The following INPP4A variants were observed in gnomAD, a reference collection of about 807,000 sequenced individuals.
INPP4A encodes inositol polyphosphate-4-phosphatase type I A.
A neutral mutation model predicts 119.8 loss-of-function variants in INPP4A; 33 were observed. The observed-to-expected ratio is 0.28, with a 90% CI of 0.21 to 0.37. The LOEUF is 0.37. Ranked by LOEUF, INPP4A falls within the 10% of genes least tolerant of loss-of-function variation. The probability of loss-of-function intolerance (pLI) is 1.00; values close to 1 mark genes in which losing one functional copy is unlikely to be tolerated. For missense variants in INPP4A, 956 were observed against 1,289.9 expected (o/e 0.74, Z 3.97); for synonymous variants, 496 against 500.7 (o/e 0.99, Z 0.12).
intron 1 of INPP4A, among the ~76,000 whole-genome samples, chr2:98,500,959 A>G (rs1383484606): frequency 6.6e-6 from 1 of 152,248 alleles, no homozygotes; most frequent in African/African-American, 2.4e-5. Flanking sequence ...TTTGTTTTAT[A>G]TATACTTAAA....
At chr2:98,523,789 A>G (rs925473317) in intron 4 of INPP4A, among the ~76,000 whole-genome samples, 2 of 152,240 alleles carry the variant, frequency 1.3e-5, no homozygotes, top group Middle Eastern at 3.2e-3. Flanking sequence ...TTAAAAAAGT[A>G]TGTTCATTGT....
chr2:98,580,124 G>A (rs879260108), intron 24 of INPP4A, among the ~76,000 whole-genome samples: 5 of 152,248 alleles, frequency 3.3e-5, no homozygotes, highest in Non-Finnish European at 7.3e-5. Context: ...CCGAGTACCT[G>A]CAGTTTAGCT....
chr2:98,558,282 A>G (rs532012317), intron 16 of INPP4A, among the ~76,000 whole-genome samples: 54 of 152,308 alleles, frequency 3.5e-4, no homozygotes, highest in African/African-American at 1.3e-3. Flanking sequence ...CTCCTCATTC[A>G]TAAGCTCAGA....
chr2:98,565,827 G>A, intron 20 of INPP4A, 61 bp downstream of exon 20: 1 of 1,587,918 alleles, frequency 6.3e-7, no homozygotes. Context: ...GTTTATCTCA[G>A]GGAAGGTACT....
chr2:98,585,224 C>G (rs912694209), intron 24 of INPP4A, among the ~76,000 whole-genome samples: 3 of 151,846 alleles, frequency 2.0e-5, no homozygotes, highest in Non-Finnish European at 2.9e-5. Flanking sequence ...AGCAGCCACC[C>G]CATGCTCAGC....
chr2:98,507,689 C>A (rs981669309), intron 1 of INPP4A, among the ~76,000 whole-genome samples: 1 of 152,114 alleles, frequency 6.6e-6, no homozygotes, highest in Non-Finnish European at 1.5e-5. Context: ...TGTCTCAGCT[C>A]CCACCATGTG....
intron 1 of INPP4A, among the ~76,000 whole-genome samples, chr2:98,517,590 A>T (rs929266354): frequency 2.6e-5 from 4 of 152,148 alleles, no homozygotes; most frequent in African/African-American, 9.7e-5. Flanking sequence ...CATTTCCCTG[A>T]TGACTAATGG....
chr2:98,450,622 T>C (rs930668142), intron 1 of INPP4A, among the ~76,000 whole-genome samples: 8 of 151,250 alleles, frequency 5.3e-5, no homozygotes, highest in Admixed American at 4.6e-4. Flanking sequence ...TGTTGGGGGA[T>C]TAAATGAATT....
At position 98,588,117 on chromosome 2, in the gene INPP4A, G is replaced by C. The variant is rs77883350; in HGVS notation, c.*509G>C. ...AAAGAAGCTAGCACTATCTCATGCA[G>C]TGAGAATAACGGGTTCTAGTGAATT... On this transcript the variant is annotated 3_prime_UTR_variant, in exon 25 of 25. Coordinates refer to ENST00000409851, the MANE Select transcript of INPP4A (RefSeq NM_001134225.2). 622 of 212,644 alleles carry C rather than the reference G, an allele frequency of 2.9e-3. 4 individuals carry two copies. Among genetic ancestry groups the C allele is most frequent in the African/African-American group, 0.013 (579 of 44,412 alleles). 13.2% of individuals were successfully genotyped at this position (212,644 alleles called of 1,614,324 possible).
At chr2:98,572,968 C>T in intron 23 of INPP4A, 41 bp downstream of exon 23, 1 of 1,367,276 alleles carries the variant, frequency 7.3e-7, no homozygotes, top group Admixed American at 2.0e-5. Context: ...TTGCGGTGCC[C>T]ACAGCTGAAC....
chr2:98,572,942 G>A lies in INPP4A; in HGVS notation c.2631+15G>A, dbSNP rs764579353. The A allele has an allele frequency of 1.3e-4, 193 of 1,535,328 alleles. No homozygotes were observed. Among genetic ancestry groups the A allele is most frequent in the Middle Eastern group, 1.7e-4 (1 of 5,982 alleles). On this transcript the variant is annotated intron_variant, in intron 23 of 24. Transcript: ENST00000409851. ...AAGCTGCTGAGGTACTGGTTACAGA[G>A]AGGAAAAGGAGGCTATTGCGGTGCC...
chr2:98,445,996 G>C lies in INPP4A; in HGVS notation c.-166+911G>C, dbSNP rs536810033. ...ACCAAGGGAATGGGGGTGGGGTGGC[G>C]ATTTGGGTGTTGCAGAGAAATTCTG... On this transcript the variant is annotated intron_variant, in intron 1 of 24. Transcript: ENST00000409851. Among the ~76,000 whole-genome samples, 4 of 152,346 alleles carry C rather than the reference G, an allele frequency of 2.6e-5. No homozygotes were observed. In the South Asian group the frequency reaches 6.2e-4, roughly 24 times the overall value.
intron 1 of INPP4A, among the ~76,000 whole-genome samples, chr2:98,473,012 T>C (rs1367388560): frequency 7.0e-6 from 1 of 141,914 alleles, no homozygotes; most frequent in Non-Finnish European, 1.5e-5. Context: ...GCAGTGTGGG[T>C]GCAGTGAAGA....
chr2:98,500,885 A>C (rs930073226), intron 1 of INPP4A, among the ~76,000 whole-genome samples: 3 of 152,264 alleles, frequency 2.0e-5, no homozygotes, highest in Admixed American at 2.0e-4. Flanking sequence ...AGTTTGGCCA[A>C]GCAGAAAATC....
chr2:98,491,950 C>T (rs1208322621), intron 1 of INPP4A, among the ~76,000 whole-genome samples: 2 of 151,896 alleles, frequency 1.3e-5, no homozygotes, highest in Non-Finnish European at 2.9e-5. Context: ...AGTACAGTGG[C>T]GCGATCTCAG....
intron 1 of INPP4A, among the ~76,000 whole-genome samples, chr2:98,508,871 G>A (rs1684594647): frequency 6.6e-6 from 1 of 152,202 alleles, no homozygotes; most frequent in Non-Finnish European, 1.5e-5. Flanking sequence ...GTGGTATTGT[G>A]AAATTGATGT....
At position 98,587,715 on chromosome 2, in the gene INPP4A, G is replaced by GT. The variant is rs543979798; in HGVS notation, c.*107_*108insT. The GT allele has an allele frequency of 4.5e-4, 448 of 987,590 alleles. 2 individuals carry two copies. In the African/African-American group the frequency reaches 7.0e-3, roughly 16 times the overall value. The allele number at this position is 987,590 out of a possible 1,614,324, so 61.2% of individuals were successfully genotyped here. A position where few individuals can be genotyped will look rare whatever the true frequency, so the allele number is the denominator to read the frequency against. Reference sequence around the variant, plus strand: ...TGAAGGATTGGTTTTTATTTTTTGTGGTTTTTTTAAAAAAAACATTTCACT... The same window carrying GT: ...TGAAGGATTGGTTTTTATTTTTTGTGTGTTTTTTTAAAAAAAACATTTCACT... On this transcript the variant is annotated 3_prime_UTR_variant, in exon 25 of 25. Coordinates refer to ENST00000409851, the MANE Select transcript of INPP4A (RefSeq NM_001134225.2).
Position 98,578,363 on chromosome 2 carries a change from A to G in INPP4A, c.2786+1220A>G, listed in dbSNP as rs567027669. Among the ~76,000 whole-genome samples the G allele has an allele frequency of 3.3e-5, 5 of 152,298 alleles. No homozygotes were observed. The South Asian group carries it at 1.0e-3, about 32-fold the overall frequency. ...AGCTGCAGACCTCAGCCAGTGAAGA[A>G]AGGAGAACAAAGTGGACAGGGATCC... On this transcript the variant is annotated intron_variant, in intron 24 of 24. Transcript: ENST00000409851.
At position 98,555,637 on chromosome 2, in the gene INPP4A, G is replaced by C; in HGVS notation, c.1651G>C (p.Gly551Arg). The C allele has an allele frequency of 6.2e-7, 1 of 1,614,000 alleles. No homozygotes were observed. The highest frequency in any genetic ancestry group is 8.5e-7 in the Non-Finnish European group (1 of 1,179,896). The change falls in exon 16 of 25, where the codon GGC becomes CGC. Residue 551 changes from glycine to arginine, a missense_variant. Gly to Arg is a moderately radical substitution (Grantham distance 125). Coordinates refer to ENST00000409851, the MANE Select transcript of INPP4A (RefSeq NM_001134225.2). Reference sequence around the variant, plus strand: ...GCTGCTGCAGAAGGAGCGGCTGCATGGCGAGGGCTGTGAGGATGTCTTCCC... The same window carrying C: ...GCTGCTGCAGAAGGAGCGGCTGCATCGCGAGGGCTGTGAGGATGTCTTCCC... ...DKLLQKERLH[G>R]EGCEDVFPCA...
Sources: allele counts gnomAD v4.1 joint callset (sites outside exome capture counted in the v4.1 genomes callset), GRCh38; gene constraint gnomAD v4.1.1; transcripts MANE v1.5; gene names NCBI Gene and HGNC (gene_info 2026-07-23, HGNC 2026-07-21).